CAPN8: variants seen among roughly 807,000 people sequenced by gnomAD.
CAPN8 encodes the protein calpain 8.
CAPN8 carries 87 observed loss-of-function variants against 80.9 expected under a neutral mutation model. The ratio of observed to expected loss-of-function variants is 1.07; its 90% CI spans 0.90 to 1.28. The LOEUF (loss-of-function observed/expected upper bound fraction) is 1.28. CAPN8 is among the 50% of genes most tolerant of loss of function. The pLI is 0.00. For synonymous variants in CAPN8, 299 were observed against 273.8 expected (o/e 1.09, Z -0.91); for missense variants, 757 against 702.0 (o/e 1.08, Z -0.89).
At chr1:223,647,176 G>C (rs1658214186) in intron 2 of CAPN8, among the ~76,000 whole-genome samples, 1 of 152,202 alleles carries the variant, frequency 6.6e-6, no homozygotes, top group African/African-American at 2.4e-5. Context: ...GTCTCCCCTG[G>C]TGGAAGGAGC....
chr1:223,555,381 C>A (rs918903800), intron 13 of CAPN8, among the ~76,000 whole-genome samples: 1 of 152,200 alleles, frequency 6.6e-6, no homozygotes, highest in African/African-American at 2.4e-5. Context: ...CTACTCTCAG[C>A]CTCTCTGGGG....
chr1:223,642,760 C>G, intron 2 of CAPN8: 1 of 453,646 alleles, frequency 2.2e-6, no homozygotes, highest in Non-Finnish European at 4.4e-6. Flanking sequence ...GCTGAAGAAA[C>G]TTGTTCAGAT....
At chr1:223,642,171 C>A (rs1432358236) in intron 2 of CAPN8, among the ~76,000 whole-genome samples, 1 of 152,214 alleles carries the variant, frequency 6.6e-6, no homozygotes, top group Non-Finnish European at 1.5e-5. Flanking sequence ...GTGTTCTCAG[C>A]AGACGGTGGG....
intron 13 of CAPN8, among the ~76,000 whole-genome samples, chr1:223,555,832 C>A (rs1656894536): frequency 6.6e-6 from 1 of 152,158 alleles, no homozygotes; most frequent in Non-Finnish European, 1.5e-5. Context: ...TGGTACTTCA[C>A]AATTTGTCCA....
intron 9 of CAPN8, chr1:223,617,982 C>T: frequency 2.5e-6 from 1 of 405,560 alleles, no homozygotes; most frequent in East Asian, 3.8e-5. Flanking sequence ...GAAGAGAGAA[C>T]TTGTCAAGAC....
At chr1:223,649,438 G>A (rs1015295954) in intron 2 of CAPN8, among the ~76,000 whole-genome samples, 6 of 152,188 alleles carry the variant, frequency 3.9e-5, no homozygotes, top group African/African-American at 1.4e-4. Flanking sequence ...CCACCAGCAG[G>A]GGCTAGGGAC....
At chr1:223,653,689 T>G (rs528705348) in intron 2 of CAPN8, among the ~76,000 whole-genome samples, 35 of 152,294 alleles carry the variant, frequency 2.3e-4, no homozygotes, top group African/African-American at 7.9e-4. Context: ...TGTGAAGCCT[T>G]GGTATCGGGA....
In CAPN8 at chr1:223,618,260, G is replaced by A. The variant is rs1241299290; in HGVS notation, c.1135+1033C>T. On this transcript the variant is annotated intron_variant, in intron 9 of 20. Coordinates refer to ENST00000366872, the MANE Select transcript of CAPN8 (RefSeq NM_001143962.2). ...AGTTTCTTCATCAGGTGCTGCCTCA[G>A]CTGATTCAACCTAGGAGGAGCCTAC... 4 of 1,550,606 alleles carry A rather than the reference G, an allele frequency of 2.6e-6. No individual in the cohort carries two copies. In the South Asian group the frequency reaches 4.8e-5, roughly 18 times the overall value.
Position 223,628,077 on chromosome 1 carries a change from C to T in CAPN8, c.492G>A (p.Gln164=). 6.4e-7 allele frequency: 1 copy of T among 1,551,452 alleles called. No homozygotes were observed. Among genetic ancestry groups the T allele is most frequent in the Non-Finnish European group, 8.7e-7 (1 of 1,146,896 alleles). The stretch of plus-strand genomic sequence containing the variant: ...CTTGTTCCGAGTGTAGGAAGAGCAG[C>T]TGTCCATTCTTGGTGGGCAGCCTGT... ...IDDRLPTKNG[Q]LLFLHSEQGN... is the part of the protein sequence containing the mutation. The change falls in exon 4 of 21, where the codon CAG becomes CAA. Residue 164 remains glutamine (Q), a synonymous_variant. Transcript: ENST00000366872.
chr1:223,632,367 G>GGTTTGGTTTT (rs149158505), intron 2 of CAPN8, among the ~76,000 whole-genome samples: 2 of 151,544 alleles, frequency 1.3e-5, no homozygotes, highest in Non-Finnish European at 2.9e-5. Flanking sequence ...TTGGAGCATA[G>GGTTTGGTTTT]GTTTTGTTTT....
intron 2 of CAPN8, among the ~76,000 whole-genome samples, chr1:223,653,075 C>G (rs896434061): frequency 1.3e-5 from 2 of 151,544 alleles, no homozygotes; most frequent in Non-Finnish European, 2.9e-5. Context: ...AGTTGTGTGT[C>G]CCTGAGACAC....
intron 1 of CAPN8, among the ~76,000 whole-genome samples, chr1:223,655,061 C>A (rs2102736547): frequency 6.6e-6 from 1 of 151,898 alleles, no homozygotes; most frequent in Middle Eastern, 3.4e-3. Context: ...TGGTGAGGAG[C>A]AGGGAGGTAG....
Position 223,616,039 on chromosome 1 carries a change from CAT to C in CAPN8, c.1240_1241del (p.Met414AlafsTer16). The C allele has an allele frequency of 6.4e-7, 1 of 1,552,330 alleles. No homozygotes were observed. The highest frequency in any genetic ancestry group is 2.0e-5 in the Admixed American group (1 of 51,022). On this transcript the variant is annotated frameshift_variant, in exon 10 of 21. Transcript: ENST00000366872. LOFTEE classifies it high-confidence loss of function. ...GCTTCCGCCACCTGCGATTTTTCTG[CAT>C]CAGGCCCAGCAGCACTGTACAGCAG... The part of the protein sequence containing the change: ...EPCCTVLLGL[M>X]QKNRRWRKRI...
chr1:223,549,011 C>T (rs34167027), intron 16 of CAPN8, among the ~76,000 whole-genome samples: 5 of 150,984 alleles, frequency 3.3e-5, no homozygotes, highest in Admixed American at 3.3e-4. Flanking sequence ...GTGGAGGGAG[C>T]AGGTGCGCAA....
intron 2 of CAPN8, among the ~76,000 whole-genome samples, chr1:223,634,320 C>T (rs938098390): frequency 1.3e-5 from 2 of 152,030 alleles, no homozygotes; most frequent in African/African-American, 4.8e-5. Flanking sequence ...TCCACTGGAC[C>T]CTGAGGAAAT....
chr1:223,547,758 G>A (rs1416820820), intron 16 of CAPN8, among the ~76,000 whole-genome samples: 2 of 152,148 alleles, frequency 1.3e-5, no homozygotes, highest in African/African-American at 4.8e-5. Flanking sequence ...TTTGAACCGT[G>A]AGAGACACAA....
At chr1:223,544,493 T>C (rs1240396493) in intron 18 of CAPN8, among the ~76,000 whole-genome samples, 4 of 152,204 alleles carry the variant, frequency 2.6e-5, no homozygotes, top group Admixed American at 6.5e-5. Context: ...GGCCAGTTCC[T>C]GTCTGTCTCC....
At chr1:223,610,716 C>G (rs1439334097) in intron 11 of CAPN8, among the ~76,000 whole-genome samples, 1 of 152,132 alleles carries the variant, frequency 6.6e-6, no homozygotes, top group East Asian at 1.9e-4. Context: ...AGGTAAGACT[C>G]TGTCCTACTA....
intron 2 of CAPN8, among the ~76,000 whole-genome samples, chr1:223,643,872 G>C (rs767927324): frequency 2.0e-5 from 3 of 152,174 alleles, no homozygotes; most frequent in Non-Finnish European, 4.4e-5. Context: ...CCTGCTTGCC[G>C]ATCTAGTCTG....
Sources: allele counts gnomAD v4.1 joint callset (sites outside exome capture counted in the v4.1 genomes callset), GRCh38; gene constraint gnomAD v4.1.1; transcripts MANE v1.5; gene names NCBI Gene and HGNC (gene_info 2026-07-23, HGNC 2026-07-21).